Variants in FBXL17 observed in about 807,000 individuals in gnomAD.
FBXL17 encodes F-box/LRR-repeat protein 17.
A neutral mutation model predicts 66.2 loss-of-function variants in FBXL17; 22 were observed. The ratio of observed to expected loss-of-function variants is 0.33; its 90% CI spans 0.24 to 0.47. The LOEUF (loss-of-function observed/expected upper bound fraction) is 0.47. Ranked by LOEUF, FBXL17 falls within the 20% of genes least tolerant of loss-of-function variation. The pLI is 1.00. For missense variants in FBXL17, 878 were observed against 948.2 expected (o/e 0.93, Z 0.97); for synonymous variants, 474 against 400.5 (o/e 1.18, Z -2.19).
intron 6 of FBXL17, among the ~76,000 whole-genome samples, chr5:108,131,338 T>C (rs370076593): frequency 1.2e-4 from 18 of 152,208 alleles, no homozygotes; most frequent in African/African-American, 4.1e-4. Flanking sequence ...TGTGAAAAAT[T>C]TGCAACCAGC....
intron 6 of FBXL17, among the ~76,000 whole-genome samples, chr5:108,171,095 A>T (rs1284627156): frequency 6.6e-6 from 1 of 152,204 alleles, no homozygotes; most frequent in African/African-American, 2.4e-5. Flanking sequence ...GTCCCTTATG[A>T]GACCTGAAGA....
At chr5:108,040,710 T>A (rs1160581491) in intron 6 of FBXL17, among the ~76,000 whole-genome samples, 4 of 152,210 alleles carry the variant, frequency 2.6e-5, no homozygotes, top group Non-Finnish European at 4.4e-5. Flanking sequence ...AATATCTTTA[T>A]CCTTTTCAAA....
intron 7 of FBXL17, among the ~76,000 whole-genome samples, chr5:107,888,510 C>A (rs1305313757): frequency 6.6e-6 from 1 of 152,186 alleles, no homozygotes; most frequent in Non-Finnish European, 1.5e-5. Flanking sequence ...TCTTTCATCC[C>A]CACTTCAGTC....
intron 7 of FBXL17, among the ~76,000 whole-genome samples, chr5:107,944,984 T>C (rs1302113417): frequency 2.0e-5 from 3 of 152,006 alleles, no homozygotes. Flanking sequence ...AGTCAAGCCA[T>C]GAATTTGGAG....
At chr5:108,133,114 T>C (rs1750999265) in intron 6 of FBXL17, among the ~76,000 whole-genome samples, 1 of 152,140 alleles carries the variant, frequency 6.6e-6, no homozygotes, top group African/African-American at 2.4e-5. Context: ...ATAGTAAAAC[T>C]ATACAAGCAC....
chr5:108,355,159 A>G (rs778284372), intron 3 of FBXL17, among the ~76,000 whole-genome samples: 5 of 152,014 alleles, frequency 3.3e-5, no homozygotes, highest in Non-Finnish European at 7.4e-5. Context: ...AGCAGATAAC[A>G]ATTTCTTCAA....
intron 4 of FBXL17, among the ~76,000 whole-genome samples, chr5:108,230,706 C>T (rs1175820650): frequency 7.5e-6 from 1 of 132,616 alleles, no homozygotes; most frequent in Non-Finnish European, 1.5e-5. Flanking sequence ...ACCTGTTCCC[C>T]AGAAACCTAT....
At chr5:107,874,173 T>C (rs546205635) in intron 8 of FBXL17, among the ~76,000 whole-genome samples, 93 of 151,936 alleles carry the variant, frequency 6.1e-4, no homozygotes, top group Middle Eastern at 3.4e-3. Flanking sequence ...TGAGTCCTAA[T>C]GATTAAAAAA....
At chr5:108,278,825 G>A (rs549593473) in intron 4 of FBXL17, among the ~76,000 whole-genome samples, 1 of 152,328 alleles carries the variant, frequency 6.6e-6, no homozygotes, top group South Asian at 2.1e-4. Flanking sequence ...CACAGCTGGT[G>A]CATGCACTTG....
chr5:107,994,975 G>A (rs549436492), intron 7 of FBXL17, among the ~76,000 whole-genome samples: 3 of 152,242 alleles, frequency 2.0e-5, no homozygotes, highest in East Asian at 1.9e-4. Context: ...GGTTACCCTC[G>A]GGGTAGGGTA....
intron 2 of FBXL17, among the ~76,000 whole-genome samples, chr5:108,366,157 C>G (rs187353280): frequency 1.3e-5 from 2 of 152,122 alleles, no homozygotes; most frequent in Admixed American, 1.3e-4. Context: ...TTTTGCATAT[C>G]AGAACACCAA....
chr5:108,248,790 C>G (rs2150110617), intron 4 of FBXL17, among the ~76,000 whole-genome samples: 1 of 152,020 alleles, frequency 6.6e-6, no homozygotes, highest in South Asian at 2.1e-4. Context: ...GGAAGTAGGG[C>G]AATATTTTTC....
chr5:108,219,483 C>T (rs1034146332), intron 5 of FBXL17, among the ~76,000 whole-genome samples: 2 of 152,010 alleles, frequency 1.3e-5, no homozygotes, highest in Admixed American at 1.3e-4. Context: ...GTCAGGAGTT[C>T]AAAACCAGCC....
intron 4 of FBXL17, among the ~76,000 whole-genome samples, chr5:108,224,528 T>TACACAC (rs138044828): frequency 0.048 from 7,037 of 147,288 alleles, 567 homozygotes; most frequent in East Asian, 0.36. Flanking sequence ...TGTATATGTA[T>TACACAC]ACACACACAC....
At chr5:108,364,564 T>C (rs1327104221) in intron 3 of FBXL17, among the ~76,000 whole-genome samples, 174 bp downstream of exon 3, 4 of 152,020 alleles carry the variant, frequency 2.6e-5, no homozygotes, top group African/African-American at 9.7e-5. Flanking sequence ...AATTTACTGA[T>C]TATAACCATG....
At chr5:108,211,364 C>T (rs1410162305) in intron 5 of FBXL17, among the ~76,000 whole-genome samples, 2 of 152,146 alleles carry the variant, frequency 1.3e-5, no homozygotes, top group Non-Finnish European at 2.9e-5. Context: ...TCGATCCTGT[C>T]ATTATGATGC....
chr5:108,350,937 T>A (rs1580868552), intron 3 of FBXL17, among the ~76,000 whole-genome samples: 1 of 152,130 alleles, frequency 6.6e-6, no homozygotes, highest in Non-Finnish European at 1.5e-5. Flanking sequence ...ATCTTAAGGA[T>A]AACGGTCGTA....
chr5:108,245,388 AC>A (rs545619578), intron 4 of FBXL17, among the ~76,000 whole-genome samples: 11 of 152,288 alleles, frequency 7.2e-5, no homozygotes, highest in Non-Finnish European at 1.5e-4. Context: ...TTAAAAAAAA[AC>A]AAACACCCTG....
intron 7 of FBXL17, among the ~76,000 whole-genome samples, chr5:107,962,812 A>C (rs1267057213): frequency 6.6e-6 from 1 of 152,008 alleles, no homozygotes; most frequent in Non-Finnish European, 1.5e-5. Flanking sequence ...ATTTCTTTTA[A>C]TGACTTCAGT....
Sources: allele counts gnomAD v4.1 joint callset (sites outside exome capture counted in the v4.1 genomes callset), GRCh38; gene constraint gnomAD v4.1.1; transcripts MANE v1.5; gene names NCBI Gene and HGNC (gene_info 2026-07-23, HGNC 2026-07-21).